Variants in UBN2 observed in about 807,000 individuals in gnomAD.
UBN2 encodes ubinuclein-2.
UBN2 carries 35 observed loss-of-function variants against 120.2 expected under a neutral mutation model. The ratio of observed to expected loss-of-function variants is 0.29; its 90% CI spans 0.22 to 0.39. The LOEUF (loss-of-function observed/expected upper bound fraction) is 0.39, where lower values mean the gene tolerates loss of function less well. Ranked by LOEUF, UBN2 falls within the 10% of genes least tolerant of loss-of-function variation. The pLI, the probability that UBN2 is intolerant of heterozygous loss-of-function variation, is 1.00. For missense variants in UBN2, 1,693 were observed against 1,663.2 expected (o/e 1.02, Z -0.31); for synonymous variants, 661 against 648.7 (o/e 1.02, Z -0.29).
the UBN2 span, among the ~76,000 whole-genome samples, chr7:139,314,525 G>A: frequency 3.3e-5 from 5 of 152,000 alleles, no homozygotes; most frequent in South Asian, 2.1e-4. Context: ...TTGCTGTGTC[G>A]CCCAGGCTGG....
intron 1 of UBN2, among the ~76,000 whole-genome samples, chr7:139,232,320 A>G (rs568962760): frequency 1.3e-5 from 2 of 152,338 alleles, no homozygotes; most frequent in African/African-American, 2.4e-5. Flanking sequence ...CTGTGGCGCT[A>G]CAGCTGTCGT....
chr7:139,261,760 T>C lies in UBN2; in HGVS notation c.1395+19T>C, dbSNP rs758221847. The C allele has an allele frequency of 2.1e-5, 33 of 1,589,012 alleles. No individual in the cohort carries two copies. The highest frequency in any genetic ancestry group is 2.7e-5 in the Non-Finnish European group (31 of 1,164,162). Reference sequence around the variant, plus strand: ...TCGTGTAGTAAGTGTAATAATTCTCTTGCTTTTTATTTGCTGCACAAACAT... The same window carrying C: ...TCGTGTAGTAAGTGTAATAATTCTCCTGCTTTTTATTTGCTGCACAAACAT... On this transcript the variant is annotated intron_variant, in intron 6 of 17. Coordinates refer to ENST00000473989, the MANE Select transcript of UBN2 (RefSeq NM_173569.4).
rs1796938234 is a variant in UBN2, at chr7:139,261,667, A to G, written c.1321A>G (p.Met441Val). The G allele has an allele frequency of 6.2e-7, 1 of 1,614,220 alleles. No homozygotes were observed. Among genetic ancestry groups the G allele is most frequent in the East Asian group, 2.2e-5 (1 of 44,892 alleles). Residue 441 changes from methionine (M) to valine (V), a missense_variant, in exon 6 of 18, where the codon ATG becomes GTG. By Grantham distance (21) the Met-to-Val change is conservative (BLOSUM62 1). This residue lies in a region of UBN2 where 663 missense variants were observed against 591.2 expected (regional missense o/e 1.12). Coordinates refer to ENST00000473989, the MANE Select transcript of UBN2 (RefSeq NM_173569.4). ...TTQPTYTSQV[M>V]PKVVPTLPEG... The stretch of plus-strand genomic sequence containing the variant: ...CCAGCCAACCTACACTTCTCAGGTT[A>G]TGCCCAAAGTGGTACCTACACTCCC...
intron 2 of UBN2, among the ~76,000 whole-genome samples, chr7:139,243,543 A>C (rs1796378186): frequency 6.6e-6 from 1 of 152,188 alleles, no homozygotes. Flanking sequence ...GAATTAATTT[A>C]TATGTACCTT....
chr7:139,263,186 C>T (rs1484897051), intron 6 of UBN2, among the ~76,000 whole-genome samples: 2 of 152,122 alleles, frequency 1.3e-5, no homozygotes, highest in East Asian at 3.9e-4. Context: ...ACAAGACATC[C>T]GAAGTATTTG....
chr7:139,329,063 T>C, the UBN2 span, among the ~76,000 whole-genome samples: 13 of 151,576 alleles, frequency 8.6e-5, no homozygotes, highest in African/African-American at 3.1e-4. Flanking sequence ...CTGGGAAACA[T>C]AGCAAGATCC....
At position 139,274,039 on chromosome 7, in the gene UBN2, G is replaced by T; in HGVS notation, c.1938G>T (p.Val646=). 1.2e-6 allele frequency: 2 copies of T among 1,612,702 alleles called. No homozygotes were observed. The highest frequency in any genetic ancestry group is 1.7e-6 in the Non-Finnish European group (2 of 1,179,604). ...TTAAGTCTTTTATGGAGACAGAAGT[G>T]AAGCCCCTGTGGCCTAAGGGCTGGA... is the stretch of plus-strand genomic sequence containing the variant. ...DYLKSFMETE[V]KPLWPKGWMQ... The change falls in exon 11 of 18, where the codon GTG becomes GTT. Residue 646 remains valine (V), a synonymous_variant. Transcript: ENST00000473989.
In UBN2 at chr7:139,284,025, C is replaced by T. The variant is rs201746314; in HGVS notation, c.3120C>T (p.Ala1040=). The T allele has an allele frequency of 1.5e-4, 238 of 1,613,976 alleles. No individual in the cohort carries two copies. The highest frequency in any genetic ancestry group is 1.7e-4 in the Non-Finnish European group (204 of 1,180,036). The change falls in exon 15 of 18, where the codon GCC becomes GCT. Residue 1040 remains alanine, a synonymous_variant. Transcript: ENST00000473989. ...CGATGGCTGCCTCCCCAAAACTTGC[C>T]GCATCTCCCAAGCCTGCCACATCTC... ...PFSMAASPKL[A]ASPKPATSPK...
the UBN2 span, among the ~76,000 whole-genome samples, chr7:139,325,365 T>C: frequency 6.7e-6 from 1 of 149,592 alleles, no homozygotes; most frequent in Admixed American, 6.9e-5. Flanking sequence ...CCTCCCGGGT[T>C]CAAGTGATTC....
chr7:139,300,852 T>A lies in UBN2; in HGVS notation c.*3016T>A, dbSNP rs545213898. On this transcript the variant is annotated 3_prime_UTR_variant, in exon 18 of 18. Coordinates refer to ENST00000473989, the MANE Select transcript of UBN2 (RefSeq NM_173569.4). The stretch of plus-strand genomic sequence containing the variant: ...GCTGTGCTGAGCCTCAGTTGGAGAC[T>A]GGGAGCAAAGTGTCAAGCTCATTCA... 1 of 152,328 alleles carries A rather than the reference T, an allele frequency of 6.6e-6. No homozygotes were observed. Among genetic ancestry groups the A allele is most frequent in the Admixed American group, 6.5e-5 (1 of 15,294 alleles). 9.4% of individuals were successfully genotyped at this position (152,328 alleles called of 1,614,324 possible). A position where few individuals can be genotyped will look rare whatever the true frequency, so the allele number is the denominator to read the frequency against.
At position 139,283,637 on chromosome 7, in the gene UBN2, C is replaced by A. The variant is rs372711368; in HGVS notation, c.2732C>A (p.Ala911Asp). 2 of 1,614,190 alleles carry A rather than the reference C, an allele frequency of 1.2e-6. No individual in the cohort carries two copies. The highest frequency in any genetic ancestry group is 4.5e-5 in the East Asian group (2 of 44,876). ...GCCCAAATTGCTGCCTCTTCTCATG[C>A]TCTGGGAACATCCGAGGCCCAAGAT... ...SQAQIAASSHALGTSEAQDAS... is the reference protein window; with the variant it reads ...SQAQIAASSHDLGTSEAQDAS... Residue 911 changes from alanine (A) to aspartate (D), a missense_variant, in exon 15 of 18, where the codon GCT becomes GAT. Ala to Asp is a moderately radical substitution (Grantham distance 126, BLOSUM62 -2). Around this residue, in one of 5 missense-constraint regions of UBN2, gnomAD observed 837 missense variants for 817.6 expected, o/e 1.02. Transcript: ENST00000473989.
At chr7:139,240,429 AATATATAT>A (rs201805771) in intron 2 of UBN2, among the ~76,000 whole-genome samples, 1 of 133,250 alleles carries the variant, frequency 7.5e-6, no homozygotes, top group African/African-American at 2.8e-5. Flanking sequence ...ACCCAGCCTA[AATATATAT>A]ATATATATAT....
intron 12 of UBN2, among the ~76,000 whole-genome samples, chr7:139,278,834 C>G (rs1797521388): frequency 6.6e-6 from 1 of 151,800 alleles, no homozygotes; most frequent in African/African-American, 2.4e-5. Context: ...CAAACTTTTT[C>G]TTAGTTTTCC....
the UBN2 span, among the ~76,000 whole-genome samples, chr7:139,317,557 C>T: frequency 6.6e-6 from 1 of 152,036 alleles, no homozygotes; most frequent in African/African-American, 2.4e-5. Context: ...ATCTCTTAAA[C>T]GTTCTTTGGT....
rs114144182 is a variant in UBN2, at chr7:139,231,547, G to C, written c.63G>C (p.Glu21Asp). 1 of 1,425,156 alleles carries C rather than the reference G, an allele frequency of 7.0e-7. No homozygotes were observed. Among genetic ancestry groups the C allele is most frequent in the South Asian group, 1.4e-5 (1 of 69,344 alleles). The allele number at this position is 1,425,156 out of a possible 1,614,324, so 88.3% of individuals were successfully genotyped here. Residue 21 changes from glutamate to aspartate, a missense_variant, in exon 1 of 18, where the codon GAG becomes GAC. By Grantham distance (45) the Glu-to-Asp change is conservative. Coordinates refer to ENST00000473989, the MANE Select transcript of UBN2 (RefSeq NM_173569.4). ...CACCGGTGCGGCGGCGCGAGGCCGA[G>C]TACCCGGGGCCCGAGCGTGAGCCCG... ...SLSPVRRREA[E>D]YPGPEREPEY...
In UBN2 at chr7:139,279,375, A is replaced by T; in HGVS notation, c.2067+15A>T. ...CCAAAGTAAAGGTAAGTACTGAAAC[A>T]AAATATTTAATTAGTTATAGTTGGT... is the stretch of plus-strand genomic sequence containing the variant. On this transcript the variant is annotated intron_variant, in intron 13 of 17. Coordinates refer to ENST00000473989, the MANE Select transcript of UBN2 (RefSeq NM_173569.4). 1 of 1,583,168 alleles carries T rather than the reference A, an allele frequency of 6.3e-7. No homozygotes were observed. Among genetic ancestry groups the T allele is most frequent in the Non-Finnish European group, 8.6e-7 (1 of 1,159,212 alleles).
At chr7:139,282,611 C>A (rs1193461437) in intron 14 of UBN2, among the ~76,000 whole-genome samples, 1 of 152,152 alleles carries the variant, frequency 6.6e-6, no homozygotes, top group African/African-American at 2.4e-5. Context: ...GAAGGTCAGC[C>A]TCCTAGCAAA....
chr7:139,303,296 G>A lies in UBN2; in HGVS notation c.*5460G>A, dbSNP rs1798301991. The stretch of plus-strand genomic sequence containing the variant: ...TAATTTTCAGTATCTAAGATTCATC[G>A]ATTTTTTGTTGAAAACAAATAGATG... On this transcript the variant is annotated 3_prime_UTR_variant, in exon 18 of 18. Transcript: ENST00000473989. The A allele has an allele frequency of 6.6e-6, 1 of 152,090 alleles. No homozygotes were observed. Among genetic ancestry groups the A allele is most frequent in the South Asian group, 2.1e-4 (1 of 4,834 alleles). The allele number at this position is 152,090 out of a possible 1,614,324, so 9.4% of individuals were successfully genotyped here.
Position 139,294,232 on chromosome 7 carries a change from T to C in UBN2, c.3994+251T>C, listed in dbSNP as rs370648765. ...GTGGAAATGACGACTAATCAGAGGA[T>C]TCATAAGATAGTTAAAAGTTATGTA... On this transcript the variant is annotated intron_variant, in intron 17 of 17. Transcript: ENST00000473989. 9.8e-5 allele frequency among the ~76,000 whole-genome samples: 15 copies of C among 152,332 alleles called. No homozygotes were observed. The East Asian group carries it at 1.4e-3, about 14-fold the overall frequency.
Sources: allele counts gnomAD v4.1 joint callset (sites outside exome capture counted in the v4.1 genomes callset), GRCh38; gene constraint gnomAD v4.1.1; regional missense constraint gnomAD v4.1.1; transcripts MANE v1.5; gene names NCBI Gene and HGNC (gene_info 2026-07-23, HGNC 2026-07-21).